KIAA1549L: variants seen among roughly 807,000 people sequenced by gnomAD.
KIAA1549L encodes the protein KIAA1549 like, also known as UPF0606 protein KIAA1549L.
KIAA1549L carries 88 observed loss-of-function variants against 160.7 expected under a neutral mutation model. The observed-to-expected ratio is 0.55, with a 90% CI of 0.46 to 0.65. The LOEUF (loss-of-function observed/expected upper bound fraction) is 0.65. Among genes scored for constraint, KIAA1549L ranks in the 30% least tolerant of loss-of-function variants. The pLI, the probability that KIAA1549L is intolerant of heterozygous loss-of-function variation, is 0.00. For synonymous variants in KIAA1549L, 950 were observed against 976.7 expected, an observed-to-expected ratio of 0.97 and a Z score of 0.51; for missense variants, 2,258 against 2,437.5, an observed-to-expected ratio of 0.93 and a Z score of 1.55.
At chr11:33,535,427 C>T (rs1168482509) in intron 1 of KIAA1549L, among the ~76,000 whole-genome samples, 1 of 152,110 alleles carries the variant, frequency 6.6e-6, no homozygotes, top group Non-Finnish European at 1.5e-5. Context: ...AATCTCAGCA[C>T]TTTGGGAGGT....
At chr11:33,610,594 A>C (rs577261824) in intron 15 of KIAA1549L, among the ~76,000 whole-genome samples, 2 of 152,238 alleles carry the variant, frequency 1.3e-5, no homozygotes, top group Admixed American at 6.5e-5. Flanking sequence ...CTCTTATGGA[A>C]CTTAGGGTCT....
At chr11:33,640,129 C>CAT in intron 16 of KIAA1549L, among the ~76,000 whole-genome samples, 1 of 151,882 alleles carries the variant, frequency 6.6e-6, no homozygotes, top group Middle Eastern at 3.4e-3. Context: ...TGTGTGTTTA[C>CAT]ATATATATAA....
chr11:33,471,461 A>G (rs185600494), intron 1 of KIAA1549L, among the ~76,000 whole-genome samples: 161 of 152,210 alleles, frequency 1.1e-3, no homozygotes, highest in Non-Finnish European at 1.4e-3. Flanking sequence ...GCATTCTTCC[A>G]TCTTAATCAT....
At chr11:33,503,909 T>G (rs1853013923) in intron 1 of KIAA1549L, among the ~76,000 whole-genome samples, 1 of 152,226 alleles carries the variant, frequency 6.6e-6, no homozygotes, top group African/African-American at 2.4e-5. Context: ...CTTTCATTAT[T>G]CAGCTCTGAT....
intron 17 of KIAA1549L, among the ~76,000 whole-genome samples, chr11:33,646,612 C>T (rs907219150): frequency 6.6e-6 from 1 of 152,182 alleles, no homozygotes; most frequent in Admixed American, 6.5e-5. Flanking sequence ...CAAGAACTAT[C>T]ATAAAAGACT....
At chr11:33,407,327 G>A (rs1361021072) in intron 1 of KIAA1549L, among the ~76,000 whole-genome samples, 2 of 150,260 alleles carry the variant, frequency 1.3e-5, no homozygotes, top group African/African-American at 4.9e-5. Flanking sequence ...CTCGTGATCC[G>A]CCCGCCTCGG....
chr11:33,594,254 A>G (rs1038816170), intron 12 of KIAA1549L, among the ~76,000 whole-genome samples: 1 of 152,218 alleles, frequency 6.6e-6, no homozygotes, highest in Admixed American at 6.5e-5. Flanking sequence ...CATGTGGATT[A>G]GTTACCTATT....
rs184782564 is a variant in KIAA1549L, at chr11:33,586,808, A to G, written c.4566+3307A>G. Among the ~76,000 whole-genome samples the G allele has an allele frequency of 9.9e-5, 15 of 152,210 alleles. No homozygotes were observed. In the East Asian group the frequency reaches 2.7e-3, roughly 27 times the overall value. Reference sequence around the variant, plus strand: ...AAGCTGCTTAACCTCTCTAAACCTCAGTTGCTTTATCTGTAAACTGGGAAC... The same window carrying G: ...AAGCTGCTTAACCTCTCTAAACCTCGGTTGCTTTATCTGTAAACTGGGAAC... On this transcript the variant is annotated intron_variant, in intron 11 of 20. Transcript: ENST00000658780.
chr11:33,434,610 C>G (rs1202143344), intron 1 of KIAA1549L, among the ~76,000 whole-genome samples: 1 of 152,154 alleles, frequency 6.6e-6, no homozygotes, highest in African/African-American at 2.4e-5. Context: ...AGAGCCTTCT[C>G]CTGTTCTGGG....
intron 18 of KIAA1549L, among the ~76,000 whole-genome samples, chr11:33,656,811 C>T (rs765516908): frequency 6.6e-6 from 1 of 152,024 alleles, no homozygotes; most frequent in African/African-American, 2.4e-5. Flanking sequence ...GAGTTTCCCT[C>T]GGAATAGGAG....
At chr11:33,502,607 C>T (rs1053486359) in intron 1 of KIAA1549L, among the ~76,000 whole-genome samples, 1 of 152,186 alleles carries the variant, frequency 6.6e-6, no homozygotes, top group Non-Finnish European at 1.5e-5. Flanking sequence ...ATATCTCCCA[C>T]TTTAAGTGTT....
chr11:33,479,877 C>T lies in KIAA1549L; in HGVS notation c.239-61925C>T, dbSNP rs564394064. Among the ~76,000 whole-genome samples, 12 of 152,302 alleles carry T rather than the reference C, an allele frequency of 7.9e-5. No individual in the cohort carries two copies. In the East Asian group the frequency reaches 1.2e-3, roughly 15 times the overall value. ...AAGGTAGCAGAAGAGAGGCTCAGAG[C>T]TTTCCTTAGGGTCTCCATTTAAAAA... On this transcript the variant is annotated intron_variant, in intron 1 of 20. Coordinates refer to ENST00000658780, the MANE Select transcript of KIAA1549L (RefSeq NM_012194.3).
Position 33,603,415 on chromosome 11 carries a change from A to G in KIAA1549L, c.4880-3226A>G, listed in dbSNP as rs571005070. Among the ~76,000 whole-genome samples the G allele has an allele frequency of 1.0e-3, 158 of 152,200 alleles. 1 individual carries two copies. The highest frequency in any genetic ancestry group is 2.6e-3 in the Admixed American group (39 of 15,266). On this transcript the variant is annotated intron_variant, in intron 13 of 20. Transcript: ENST00000658780. ...TAAGCTGCAACTTGAAAAGCAAGAG[A>G]GAACTGGGCATATAGAGATCTGGGA...
intron 16 of KIAA1549L, among the ~76,000 whole-genome samples, chr11:33,635,447 C>A (rs1287594115): frequency 1.3e-5 from 2 of 152,186 alleles, no homozygotes; most frequent in African/African-American, 4.8e-5. Context: ...GCGATTGACA[C>A]TGAGCTGAAA....
chr11:33,551,565 A>C (rs886503429), intron 5 of KIAA1549L, among the ~76,000 whole-genome samples: 1 of 144,276 alleles, frequency 6.9e-6, no homozygotes, highest in Admixed American at 7.0e-5. Context: ...GGGTACTAAT[A>C]ATAGTTGAAC....
chr11:33,545,618 C>G (rs976410281), intron 3 of KIAA1549L, among the ~76,000 whole-genome samples: 1 of 152,056 alleles, frequency 6.6e-6, no homozygotes, highest in African/African-American at 2.4e-5. Context: ...CAGAACAGCC[C>G]CAACAACAAA....
At chr11:33,428,322 A>G (rs1461812629) in intron 1 of KIAA1549L, among the ~76,000 whole-genome samples, 1 of 151,534 alleles carries the variant, frequency 6.6e-6, no homozygotes, top group East Asian at 1.9e-4. Flanking sequence ...TAAAAATTAT[A>G]CTTTAAGTTC....
chr11:33,660,306 G>A (rs1852213928), intron 19 of KIAA1549L, among the ~76,000 whole-genome samples: 1 of 152,198 alleles, frequency 6.6e-6, no homozygotes, highest in South Asian at 2.1e-4. Context: ...GGCCTGGCGC[G>A]GTGGCTCATG....
chr11:33,383,825 C>G lies in KIAA1549L; in HGVS notation c.238+6936C>G, dbSNP rs548092802. Among the ~76,000 whole-genome samples, 9 of 152,314 alleles carry G rather than the reference C, an allele frequency of 5.9e-5. No individual in the cohort carries two copies. In the South Asian group the frequency reaches 1.9e-3, roughly 32 times the overall value. On this transcript the variant is annotated intron_variant, in intron 1 of 20. Transcript: ENST00000658780. ...GACCGAGGCTCAGGGTGCCATAGTT[C>G]TGACTTCTCAAGAAAAGGCAGATCT...
Sources: gnomAD v4.1 joint callset for allele counts (sites outside exome capture counted in the v4.1 genomes callset) on GRCh38, gnomAD v4.1.1 for gene constraint, MANE v1.5 for transcripts, NCBI Gene and HGNC (gene_info 2026-07-23, HGNC 2026-07-21) for gene names.